Variants in USP36 observed in about 807,000 individuals in gnomAD.
USP36 encodes ubiquitin carboxyl-terminal hydrolase 36.
Under a neutral mutation model 111.5 loss-of-function variants are expected in USP36, and 59 were observed. That is an observed-to-expected ratio of 0.53 (90% CI 0.43 to 0.66). The LOEUF (loss-of-function observed/expected upper bound fraction) is 0.66, where lower values mean the gene tolerates loss of function less well. Among genes scored for constraint, USP36 ranks in the 30% least tolerant of loss-of-function variants. The pLI, the probability that USP36 is intolerant of heterozygous loss-of-function variation, is 0.00. For synonymous variants in USP36, 628 were observed against 581.0 expected (o/e 1.08, Z -1.16); for missense variants, 1,488 against 1,468.0 (o/e 1.01, Z -0.22).
At chr17:78,821,462 C>G (rs2094330852) in intron 7 of USP36, 1 of 109,670 alleles carries the variant, frequency 9.1e-6, no homozygotes, top group Non-Finnish European at 1.7e-5. Flanking sequence ...GAGTCTTGCT[C>G]TGTCACTCAG....
chr17:78,789,058 G>A (rs1000094026), intron 3 of USP36, among the ~76,000 whole-genome samples: 4 of 151,868 alleles, frequency 2.6e-5, no homozygotes, highest in African/African-American at 4.8e-5. Context: ...TTAGCCGGGC[G>A]TGATGGCATG....
Position 78,829,127 on chromosome 17 carries a change from G to A in USP36, c.476-120C>T. 4.0e-6 allele frequency: 3 copies of A among 754,700 alleles called. No individual in the cohort carries two copies. The South Asian group carries it at 5.3e-5, about 13-fold the overall frequency. The allele number at this position is 754,700 out of a possible 1,614,324, so 46.8% of individuals were successfully genotyped here. On this transcript the variant is annotated intron_variant, in intron 4 of 20. Transcript: ENST00000449938. ...CAAGCAGGTAAGAGCAAACCAGGCT[G>A]TGAGAGAACGGCTGAGCCAGAGATC...
At chr17:78,814,297 A>T (rs2094132601) in intron 11 of USP36, 115 bp downstream of exon 11, 1 of 1,422,156 alleles carries the variant, frequency 7.0e-7, no homozygotes. Flanking sequence ...ACTTGAATAC[A>T]ACCACAAAAC....
At chr17:78,810,718 G>A (rs930797290) in intron 13 of USP36, among the ~76,000 whole-genome samples, 3 of 152,180 alleles carry the variant, frequency 2.0e-5, no homozygotes, top group Non-Finnish European at 2.9e-5. Context: ...AAATACAGAT[G>A]TACGTAAATG....
Position 78,798,687 on chromosome 17 carries a change from C to A in USP36, c.3241-136G>T. On this transcript the variant is annotated intron_variant, in intron 19 of 20. Coordinates refer to ENST00000449938, the MANE Select transcript of USP36 (RefSeq NM_001385174.1). The surrounding 1 kb of genome is among the most constrained non-coding windows in gnomAD (Gnocchi z 5.1). ...CTGGAGACCCACTCTTCACAATGAC[C>A]CCTGTGCACGGCGACCTGCAGTCCC... The A allele has an allele frequency of 7.1e-7, 1 of 1,414,192 alleles. No homozygotes were observed. Among genetic ancestry groups the A allele is most frequent in the Non-Finnish European group, 9.7e-7 (1 of 1,034,056 alleles). The allele number at this position is 1,414,192 out of a possible 1,614,324, so 87.6% of individuals were successfully genotyped here. A position where few individuals can be genotyped will look rare whatever the true frequency, so the allele number is the denominator to read the frequency against.
At position 78,837,962 on chromosome 17, in the gene USP36, G is replaced by C. The variant is rs78991885; in HGVS notation, c.-10+625C>G. Reference sequence around the variant, plus strand: ...AAGCCAGGTGCAGTGGCCTGGGCCTGTCGTCCCAGATGCTTGGGAGGCTGA... The same window carrying C: ...AAGCCAGGTGCAGTGGCCTGGGCCTCTCGTCCCAGATGCTTGGGAGGCTGA... On this transcript the variant is annotated intron_variant, in intron 2 of 20. Coordinates refer to ENST00000449938, the MANE Select transcript of USP36 (RefSeq NM_001385174.1). Among the ~76,000 whole-genome samples, 1,428 of 152,338 alleles carry C rather than the reference G, an allele frequency of 9.4e-3. 27 individuals carry two copies. Among genetic ancestry groups the C allele is most frequent in the African/African-American group, 0.032 (1,323 of 41,564 alleles).
At chr17:78,787,504 C>T (rs1189380517) in exon 4 of USP36, 1 of 152,204 alleles carries the variant, frequency 6.6e-6, no homozygotes, top group Non-Finnish European at 1.5e-5. Context: ...TCAATGTATA[C>T]ATGCTACTCG....
intron 7 of USP36, among the ~76,000 whole-genome samples, chr17:78,821,617 G>A (rs917416628): frequency 5.3e-5 from 8 of 151,404 alleles, no homozygotes; most frequent in East Asian, 2.0e-4. Flanking sequence ...TAGTGGAGAC[G>A]GGGTTTCACC....
At chr17:78,801,251 C>T (rs928486070) in intron 17 of USP36, among the ~76,000 whole-genome samples, 3 of 152,210 alleles carry the variant, frequency 2.0e-5, no homozygotes, top group African/African-American at 7.2e-5. Context: ...GTTGGGATTA[C>T]AGGCGTGAGC....
In USP36 at chr17:78,836,258, G is replaced by C; in HGVS notation, c.106C>G (p.Leu36Val). ...KLLASSAKKV[L>V]LQKIEFEPAS... ...GGCTCGAACTCGATTTTCTGTAAAA[G>C]GACCTTCTTGGCAGAGGAGGCAAGA... The change falls in exon 3 of 21, where the codon CTT (leucine) becomes GTT (valine). Residue 36 changes from leucine to valine, a missense_variant. Physicochemically the swap from Leu to Val is conservative, Grantham distance 32. Around this residue, in one of 3 missense-constraint regions of USP36, gnomAD observed 219 missense variants for 209.5 expected, o/e 1.05. Transcript: ENST00000449938. 2 of 1,614,142 alleles carry C rather than the reference G, an allele frequency of 1.2e-6. No individual in the cohort carries two copies. The highest frequency in any genetic ancestry group is 4.5e-5 in the East Asian group (2 of 44,876).
chr17:78,815,097 G>A (rs1320433225), intron 10 of USP36, among the ~76,000 whole-genome samples: 1 of 152,216 alleles, frequency 6.6e-6, no homozygotes, highest in Non-Finnish European at 1.5e-5. Flanking sequence ...ACTTTGGGAG[G>A]CCGAGGCGGG....
chr17:78,836,519 G>T, intron 2 of USP36, 147 bp from the exon 3 acceptor site: 1 of 1,060,518 alleles, frequency 9.4e-7, no homozygotes, highest in South Asian at 1.7e-5. Flanking sequence ...GCTGCACAAA[G>T]GAAACAGGGA....
chr17:78,803,329 G>T lies in USP36; in HGVS notation c.2810+56C>A. The stretch of plus-strand genomic sequence containing the variant: ...TACCTACTTGGGGGTAGATTCTGTG[G>T]TTTTGCTTTGTTTCTCGTCAGAGGT... On this transcript the variant is annotated intron_variant, in intron 16 of 20. Coordinates refer to ENST00000449938, the MANE Select transcript of USP36 (RefSeq NM_001385174.1). This position sits in a 1 kb window ranked among gnomAD's most constrained non-coding sequence, Gnocchi z 4.6. 6.5e-7 allele frequency: 1 copy of T among 1,549,844 alleles called. No homozygotes were observed. Among genetic ancestry groups the T allele is most frequent in the Non-Finnish European group, 8.8e-7 (1 of 1,137,600 alleles).
chr17:78,790,275 A>C (rs892708900), intron 3 of USP36, among the ~76,000 whole-genome samples: 1 of 151,036 alleles, frequency 6.6e-6, no homozygotes, highest in East Asian at 1.9e-4. Flanking sequence ...TTTTTAGTGG[A>C]GATATGGTTT....
In USP36 at chr17:78,796,945, GA is replaced by G. The variant is rs1247091998; in HGVS notation, c.*954del. 6.6e-6 allele frequency: 1 copy of G among 152,176 alleles called. No homozygotes were observed. The highest frequency in any genetic ancestry group is 1.9e-4 in the East Asian group (1 of 5,202). 9.4% of individuals were successfully genotyped at this position (152,176 alleles called of 1,614,324 possible). ...TGGCAGGCACAGCTTGAGCAACATA[GA>G]AAAGTAATCTTCTTGAGTTATACAA... On this transcript the variant is annotated 3_prime_UTR_variant, in exon 21 of 21. Coordinates refer to ENST00000449938, the MANE Select transcript of USP36 (RefSeq NM_001385174.1).
intron 3 of USP36, among the ~76,000 whole-genome samples, chr17:78,790,184 GT>G (rs1420630509): frequency 6.6e-6 from 1 of 152,142 alleles, no homozygotes; most frequent in Non-Finnish European, 1.5e-5. Context: ...GGCTTTCCAG[GT>G]TCAAGTGACT....
At chr17:78,804,100 G>C (rs11649964) in intron 15 of USP36, 122 bp from the exon 16 acceptor site, 322,469 of 653,870 alleles carry the variant, frequency 0.49, 85,297 homozygotes, top group Non-Finnish European at 0.56. Flanking sequence ...TTACCCTGTA[G>C]TTTTCAGATA....
chr17:78,790,336 G>A (rs981134621), intron 3 of USP36, among the ~76,000 whole-genome samples: 20 of 151,962 alleles, frequency 1.3e-4, no homozygotes, highest in African/African-American at 4.6e-4. Context: ...TGTCACCCAG[G>A]CTGGAGCACA....
intron 4 of USP36, 117 bp from the exon 5 acceptor site, chr17:78,829,124 G>A: frequency 1.3e-6 from 1 of 792,300 alleles, no homozygotes; most frequent in Non-Finnish European, 2.0e-6. Flanking sequence ...AGCAAACCAG[G>A]CTGTGAGAGA....
Sources: gnomAD v4.1 joint callset for allele counts (sites outside exome capture counted in the v4.1 genomes callset) on GRCh38, gnomAD v4.1.1 for gene constraint, gnomAD v4.1.1 regional missense constraint, Gnocchi (gnomAD v3.1) non-coding constraint, MANE v1.5 for transcripts, NCBI Gene and HGNC (gene_info 2026-07-23, HGNC 2026-07-21) for gene names.